The following ANK3 variants were observed in gnomAD, a reference collection of about 807,000 sequenced individuals.
The protein encoded by ANK3 is ankyrin-3.
ANK3 carries 57 observed loss-of-function variants against 370.9 expected under a neutral mutation model. The observed-to-expected ratio is 0.15, with a 90% CI of 0.12 to 0.19. ANK3 has a LOEUF of 0.19. ANK3 is among the 10% of genes least tolerant of loss of function. The pLI is 1.00. For missense variants in ANK3, 4,439 were observed against 5,302.1 expected, an observed-to-expected ratio of 0.84 and a Z score of 5.06; for synonymous variants, 1,929 against 1,946.3, an observed-to-expected ratio of 0.99 and a Z score of 0.23.
intron 1 of ANK3, among the ~76,000 whole-genome samples, chr10:60,374,749 T>C (rs1223769029): frequency 6.6e-6 from 1 of 152,128 alleles, no homozygotes; most frequent in Non-Finnish European, 1.5e-5. Context: ...TTTGTGGCAT[T>C]TTTCATAAAA....
At position 60,271,219 on chromosome 10, in the gene ANK3, C is replaced by A. The variant is rs114687854; in HGVS notation, c.415-990G>T. 7.4e-3 allele frequency among the ~76,000 whole-genome samples: 1,131 copies of A among 151,852 alleles called. 15 individuals carry two copies. The highest frequency in any genetic ancestry group is 0.026 in the African/African-American group (1,087 of 41,446). Reference sequence around the variant, plus strand: ...TTTGAGACAGGGTCTCGCTCCATTGCTCTGTATCAAAATAATAATAATAAT... The same window carrying A: ...TTTGAGACAGGGTCTCGCTCCATTGATCTGTATCAAAATAATAATAATAAT... On this transcript the variant is annotated intron_variant, in intron 4 of 43. Coordinates refer to ENST00000280772, the MANE Select transcript of ANK3 (RefSeq NM_020987.5).
At chr10:60,117,739 G>C (rs573822120) in intron 25 of ANK3, among the ~76,000 whole-genome samples, 1 of 152,100 alleles carries the variant, frequency 6.6e-6, no homozygotes, top group Non-Finnish European at 1.5e-5. Flanking sequence ...GCCTGAACCC[G>C]GGAGGCGGAG....
intron 1 of ANK3, among the ~76,000 whole-genome samples, chr10:60,618,425 A>G (rs996480975): frequency 6.6e-6 from 1 of 152,164 alleles, no homozygotes; most frequent in Non-Finnish European, 1.5e-5. Flanking sequence ...TGGGAAAGCA[A>G]ATTAGTAGGA....
intron 2 of ANK3, among the ~76,000 whole-genome samples, chr10:60,428,974 T>C (rs911358123): frequency 6.6e-6 from 1 of 152,172 alleles, no homozygotes; most frequent in African/African-American, 2.4e-5. Context: ...ATTTTAAATG[T>C]CTATGTGTTA....
At chr10:60,196,380 C>A (rs1024424937) in intron 15 of ANK3, 137 bp from the exon 16 acceptor site, 65 of 926,332 alleles carry the variant, frequency 7.0e-5, no homozygotes, top group African/African-American at 4.2e-4. Context: ...TGGACCCCAG[C>A]ATTTACCTTT....
intron 4 of ANK3, among the ~76,000 whole-genome samples, chr10:60,274,434 C>A (rs2098052990): frequency 6.6e-6 from 1 of 152,182 alleles, no homozygotes; most frequent in South Asian, 2.1e-4. Context: ...CCCTTCAGGA[C>A]AATGTCACCC....
At chr10:60,058,996 C>T (rs2079779772) in intron 41 of ANK3, among the ~76,000 whole-genome samples, 1 of 152,086 alleles carries the variant, frequency 6.6e-6, no homozygotes, top group Non-Finnish European at 1.5e-5. Context: ...CTCAGGTGAT[C>T]CACCCACCTC....
chr10:60,332,847 A>T (rs1293034848), intron 1 of ANK3, among the ~76,000 whole-genome samples: 1 of 152,184 alleles, frequency 6.6e-6, no homozygotes, highest in East Asian at 1.9e-4. Flanking sequence ...CAGATAAATC[A>T]CTGAACCGTA....
chr10:60,296,304 A>T (rs2042499032), intron 1 of ANK3, among the ~76,000 whole-genome samples: 1 of 152,164 alleles, frequency 6.6e-6, no homozygotes. Flanking sequence ...TGTGACAAAT[A>T]AGCAACAAAT....
intron 9 of ANK3, among the ~76,000 whole-genome samples, chr10:60,208,554 A>G (rs989170905): frequency 6.6e-6 from 1 of 151,974 alleles, no homozygotes; most frequent in Admixed American, 6.6e-5. Context: ...ATGGGGTTTC[A>G]CTCTGTTGCT....
At chr10:60,154,418 G>C (rs2095260568) in intron 23 of ANK3, among the ~76,000 whole-genome samples, 1 of 152,082 alleles carries the variant, frequency 6.6e-6, no homozygotes, top group African/African-American at 2.4e-5. Flanking sequence ...GTCTTTTCCT[G>C]GTGGTCTTCT....
chr10:60,386,723 A>T (rs952226639), intron 1 of ANK3, among the ~76,000 whole-genome samples: 2 of 152,216 alleles, frequency 1.3e-5, no homozygotes, highest in African/African-American at 2.4e-5. Context: ...GTGTCATCAC[A>T]CCTAATCAAG....
intron 1 of ANK3, among the ~76,000 whole-genome samples, chr10:60,371,966 T>C (rs1461130130): frequency 1.3e-5 from 2 of 152,184 alleles, no homozygotes; most frequent in African/African-American, 4.8e-5. Context: ...ATATTTAGAA[T>C]ATAATTTCTA....
At chr10:60,078,397 C>A (rs559091819) in intron 36 of ANK3, among the ~76,000 whole-genome samples, 12 of 152,152 alleles carry the variant, frequency 7.9e-5, no homozygotes, top group Non-Finnish European at 1.8e-4. Context: ...GGAAATGCCA[C>A]GCTGCAAATG....
At chr10:60,314,254 G>A (rs1252512223) in intron 1 of ANK3, among the ~76,000 whole-genome samples, 2 of 152,228 alleles carry the variant, frequency 1.3e-5, no homozygotes, top group South Asian at 2.1e-4. Flanking sequence ...AACTGAACAC[G>A]GACAATATAT....
intron 1 of ANK3, among the ~76,000 whole-genome samples, chr10:60,325,198 A>G (rs1566591214): frequency 6.6e-6 from 1 of 152,192 alleles, no homozygotes; most frequent in Non-Finnish European, 1.5e-5. Context: ...CATCTGAGAT[A>G]AGGTTACTGT....
intron 16 of ANK3, among the ~76,000 whole-genome samples, chr10:60,192,148 T>C (rs1021709855): frequency 4.6e-5 from 7 of 152,086 alleles, no homozygotes; most frequent in African/African-American, 1.2e-4. Flanking sequence ...CGTCTCAGTC[T>C]TCCAAAGTAG....
intron 1 of ANK3, among the ~76,000 whole-genome samples, chr10:60,308,165 T>A (rs1174759223): frequency 2.6e-5 from 4 of 152,190 alleles, no homozygotes; most frequent in Non-Finnish European, 5.9e-5. Context: ...TATTCAATAT[T>A]TCCTGTGATC....
chr10:60,323,152 A>T (rs988021983), intron 1 of ANK3, among the ~76,000 whole-genome samples: 3 of 151,648 alleles, frequency 2.0e-5, no homozygotes, highest in Admixed American at 1.3e-4. Context: ...GGGTGTATTA[A>T]CAAGCCAGTT....
Sources: allele counts gnomAD v4.1 joint callset (sites outside exome capture counted in the v4.1 genomes callset), GRCh38; gene constraint gnomAD v4.1.1; transcripts MANE v1.5; gene names NCBI Gene and HGNC (gene_info 2026-07-23, HGNC 2026-07-21).